The following PLPP4 variants were observed in gnomAD, a reference collection of about 807,000 sequenced individuals.
PLPP4 encodes diacylglycerol pyrophosphate like 2.
PLPP4 carries 20 observed loss-of-function variants against 32.2 expected under a neutral mutation model. That is an observed-to-expected ratio of 0.62 (90% CI 0.44 to 0.90). PLPP4 has a LOEUF of 0.90. Ranked by LOEUF, PLPP4 falls within the 40% of genes least tolerant of loss-of-function variation. The pLI, the probability that PLPP4 is intolerant of heterozygous loss-of-function variation, is 0.00. For synonymous variants in PLPP4, 127 were observed against 133.0 expected (o/e 0.95, Z 0.31); for missense variants, 257 against 353.1 (o/e 0.73, Z 2.18).
chr10:120,570,452 C>A (rs779310096), intron 5 of PLPP4, among the ~76,000 whole-genome samples: 39 of 152,038 alleles, frequency 2.6e-4, no homozygotes, highest in Non-Finnish European at 3.8e-4. Context: ...TGTTCAGTGC[C>A]AGAAATTATC....
rs531224192 is a variant in PLPP4, at chr10:120,535,562, T to C, written c.445+14467T>C. ...AGTAGAGTTTGATAGTCTTCAACTA[T>C]GATTGTAGATTTGTCTGTTTCTCCT... On this transcript the variant is annotated intron_variant, in intron 5 of 6. Transcript: ENST00000398250. Among the ~76,000 whole-genome samples the C allele has an allele frequency of 5.3e-5, 8 of 152,280 alleles. No individual in the cohort carries two copies. The South Asian group carries it at 1.7e-3, about 32-fold the overall frequency.
intron 1 of PLPP4, among the ~76,000 whole-genome samples, chr10:120,458,639 CT>C (rs1465774106): frequency 6.6e-6 from 1 of 152,166 alleles, no homozygotes; most frequent in African/African-American, 2.4e-5. Flanking sequence ...GCAAGCCCCC[CT>C]CTCCCGCCTT....
chr10:120,523,706 C>A (rs1846267632), intron 5 of PLPP4, among the ~76,000 whole-genome samples: 1 of 152,122 alleles, frequency 6.6e-6, no homozygotes. Flanking sequence ...TCTGTCCTCC[C>A]AAAGACTTGG....
chr10:120,573,931 G>A (rs1481854727), intron 5 of PLPP4, among the ~76,000 whole-genome samples: 4 of 152,070 alleles, frequency 2.6e-5, no homozygotes, highest in African/African-American at 9.7e-5. Flanking sequence ...TATTGGCATT[G>A]AGAGTATTTA....
At chr10:120,500,484 C>T (rs2133859355) in intron 1 of PLPP4, among the ~76,000 whole-genome samples, 1 of 152,224 alleles carries the variant, frequency 6.6e-6, no homozygotes, top group Non-Finnish European at 1.5e-5. Flanking sequence ...AGTCATTTCC[C>T]CTCCCTGGAA....
intron 6 of PLPP4, among the ~76,000 whole-genome samples, chr10:120,578,873 GATGA>G (rs1849348073): frequency 6.6e-6 from 1 of 152,238 alleles, no homozygotes; most frequent in African/African-American, 2.4e-5. Context: ...GAGTTTCACA[GATGA>G]TGCTAACTAC....
At chr10:120,528,349 C>T (rs1239866724) in intron 5 of PLPP4, among the ~76,000 whole-genome samples, 1 of 152,136 alleles carries the variant, frequency 6.6e-6, no homozygotes, top group Non-Finnish European at 1.5e-5. Context: ...GCTGGGATTA[C>T]AGACGTGAGC....
intron 5 of PLPP4, among the ~76,000 whole-genome samples, chr10:120,565,315 G>GGTGTGTGTGTGTGTGT (rs58655566): frequency 7.0e-6 from 1 of 142,604 alleles, no homozygotes; most frequent in Non-Finnish European, 1.5e-5. Context: ...TTGTTTGTGT[G>GGTGTGTGTGTGTGTGT]GTGTGTGTGT....
chr10:120,525,432 G>GA (rs1321473438), intron 5 of PLPP4, among the ~76,000 whole-genome samples: 1 of 152,212 alleles, frequency 6.6e-6, no homozygotes, highest in Non-Finnish European at 1.5e-5. Context: ...AAGCCTAAAA[G>GA]GTATGCCTGG....
intron 5 of PLPP4, among the ~76,000 whole-genome samples, chr10:120,530,799 T>A (rs1846671613): frequency 6.6e-6 from 1 of 152,216 alleles, no homozygotes; most frequent in Non-Finnish European, 1.5e-5. Flanking sequence ...CAGTACTCCA[T>A]GTCCTCACCG....
chr10:120,466,413 C>T (rs576491051), intron 1 of PLPP4, among the ~76,000 whole-genome samples: 95 of 152,186 alleles, frequency 6.2e-4, no homozygotes, highest in Non-Finnish European at 1.1e-3. Flanking sequence ...TTGGAGCACA[C>T]GAGAATGAAC....
chr10:120,499,457 G>A (rs1026704498), intron 1 of PLPP4, among the ~76,000 whole-genome samples: 6 of 151,194 alleles, frequency 4.0e-5, no homozygotes, highest in African/African-American at 1.5e-4. Flanking sequence ...TTGCACCAAT[G>A]TAATACATGG....
At chr10:120,461,405 GGTCT>G (rs1848041561) in intron 1 of PLPP4, among the ~76,000 whole-genome samples, 1 of 152,156 alleles carries the variant, frequency 6.6e-6, no homozygotes, top group African/African-American at 2.4e-5. Flanking sequence ...GGGGAAAGAT[GGTCT>G]GTCTGTTTCA....
chr10:120,539,253 G>A (rs779542705), intron 5 of PLPP4, among the ~76,000 whole-genome samples: 2 of 152,202 alleles, frequency 1.3e-5, no homozygotes, highest in Admixed American at 6.5e-5. Flanking sequence ...AGCCACTGCT[G>A]TTAGAGGCAG....
chr10:120,568,965 G>A (rs529827900), intron 5 of PLPP4, among the ~76,000 whole-genome samples: 1 of 152,258 alleles, frequency 6.6e-6, no homozygotes, highest in South Asian at 2.1e-4. Context: ...CCAACCAGGT[G>A]CGGTGGCTCA....
At chr10:120,567,215 T>C (rs1384041288) in intron 5 of PLPP4, among the ~76,000 whole-genome samples, 1 of 152,216 alleles carries the variant, frequency 6.6e-6, no homozygotes. Flanking sequence ...AGCCCTAGGT[T>C]TGGGAATTAT....
chr10:120,470,034 A>G (rs550457035), intron 1 of PLPP4, among the ~76,000 whole-genome samples: 1 of 152,368 alleles, frequency 6.6e-6, no homozygotes, highest in Non-Finnish European at 1.5e-5. Flanking sequence ...TTAAATTCAG[A>G]TGAATACTGC....
chr10:120,481,016 G>A (rs571251281), intron 1 of PLPP4, among the ~76,000 whole-genome samples: 2 of 152,326 alleles, frequency 1.3e-5, no homozygotes, highest in Non-Finnish European at 2.9e-5. Flanking sequence ...TCTTCCCTTT[G>A]GATTAAGGAC....
At chr10:120,584,398 G>A (rs1354357349) in intron 6 of PLPP4, among the ~76,000 whole-genome samples, 1 of 152,190 alleles carries the variant, frequency 6.6e-6, no homozygotes, top group Admixed American at 6.5e-5. Context: ...TGGAAACTCT[G>A]GGACAGCAGG....
Sources: gnomAD v4.1 joint callset for allele counts (sites outside exome capture counted in the v4.1 genomes callset) on GRCh38, gnomAD v4.1.1 for gene constraint, MANE v1.5 for transcripts, NCBI Gene and HGNC (gene_info 2026-07-23, HGNC 2026-07-21) for gene names.